The following MED12L variants were observed in gnomAD, a reference collection of about 807,000 sequenced individuals.
MED12L encodes mediator of RNA polymerase II transcription subunit 12-like protein.
Under a neutral mutation model 281.3 loss-of-function variants are expected in MED12L, and 60 were observed. That is an observed-to-expected ratio of 0.21 (90% CI 0.17 to 0.26). The LOEUF is 0.26. Ranked by LOEUF, MED12L falls within the 10% of genes least tolerant of loss-of-function variation. MED12L has a pLI of 1.00. For synonymous variants in MED12L, 974 were observed against 987.2 expected, an observed-to-expected ratio of 0.99 and a Z score of 0.25; for missense variants, 2,146 against 2,680.9, an observed-to-expected ratio of 0.80 and a Z score of 4.41.
intron 16 of MED12L, among the ~76,000 whole-genome samples, chr3:151,216,336 A>G (rs893400187): frequency 6.6e-6 from 1 of 152,154 alleles, no homozygotes; most frequent in Non-Finnish European, 1.5e-5. Flanking sequence ...TTTCATCTGT[A>G]TTTGTGGTGC....
At chr3:151,109,050 C>T (rs1022266472) in intron 2 of MED12L, among the ~76,000 whole-genome samples, 3 of 149,882 alleles carry the variant, frequency 2.0e-5, no homozygotes, top group South Asian at 2.1e-4. Flanking sequence ...CCCGAAGTAT[C>T]GAAGGTCTGA....
At chr3:151,367,846 A>T (rs1327337720) in intron 24 of MED12L, 80 bp downstream of exon 24, 1 of 1,485,792 alleles carries the variant, frequency 6.7e-7, no homozygotes, top group Admixed American at 2.0e-5. Flanking sequence ...AACACAGGGA[A>T]AGGAGTATTT....
chr3:151,199,426 A>C, intron 16 of MED12L: 2 of 1,535,978 alleles, frequency 1.3e-6, no homozygotes, highest in South Asian at 2.5e-5. Flanking sequence ...TGAAAAGAAA[A>C]AATTTCTAAG....
intron 15 of MED12L, among the ~76,000 whole-genome samples, chr3:151,193,172 C>T (rs1559861159): frequency 6.6e-6 from 1 of 152,044 alleles, no homozygotes; most frequent in Non-Finnish European, 1.5e-5. Flanking sequence ...TGTTTCTGTA[C>T]GAAATGTAGC....
chr3:151,363,981 G>A (rs913785450), intron 21 of MED12L, among the ~76,000 whole-genome samples: 1 of 151,970 alleles, frequency 6.6e-6, no homozygotes, highest in Non-Finnish European at 1.5e-5. Flanking sequence ...TGCCATTGAT[G>A]CAAGTATATA....
chr3:151,352,399 A>T (rs181415462), intron 17 of MED12L, among the ~76,000 whole-genome samples: 164 of 152,344 alleles, frequency 1.1e-3, no homozygotes, highest in Non-Finnish European at 1.3e-4. Flanking sequence ...CATTTTAGAT[A>T]AAGTTCCTTA....
At chr3:151,236,918 A>G (rs556575650) in intron 16 of MED12L, among the ~76,000 whole-genome samples, 3 of 152,274 alleles carry the variant, frequency 2.0e-5, no homozygotes, top group Non-Finnish European at 1.5e-5. Flanking sequence ...ATTGTGAGTC[A>G]TGCCGAGATG....
rs73155795 is a variant in MED12L, at chr3:151,177,906, T to G, written c.1495-7424T>G. 6.2e-3 allele frequency among the ~76,000 whole-genome samples: 938 copies of G among 152,236 alleles called. 4 individuals are homozygous for G. Among genetic ancestry groups the G allele is most frequent in the Middle Eastern group, 0.014 (4 of 292 alleles). ...TTATGCCAGGGCTGGGCCTATAGTT[T>G]GTTATTTTTTCTTTGACCTTAACTT... On this transcript the variant is annotated intron_variant, in intron 11 of 44. Coordinates refer to ENST00000687756, the MANE Select transcript of MED12L (RefSeq NM_001393769.1).
chr3:151,358,383 G>A (rs1754195200), intron 20 of MED12L, among the ~76,000 whole-genome samples: 2 of 152,062 alleles, frequency 1.3e-5, no homozygotes, highest in Admixed American at 1.3e-4. Flanking sequence ...ATTCAGGCCT[G>A]TTAAGTGTTT....
chr3:151,174,233 A>G (rs1721777911), intron 11 of MED12L, among the ~76,000 whole-genome samples: 1 of 152,196 alleles, frequency 6.6e-6, no homozygotes, highest in South Asian at 2.1e-4. Context: ...TGTATTTTAA[A>G]TATGAGAGAC....
intron 16 of MED12L, among the ~76,000 whole-genome samples, chr3:151,209,304 C>T (rs1453729030): frequency 6.6e-6 from 1 of 152,110 alleles, no homozygotes; most frequent in Non-Finnish European, 1.5e-5. Context: ...TTTTTTGTAG[C>T]TGATTCACAT....
At chr3:151,123,833 A>G (rs767948993) in intron 4 of MED12L, among the ~76,000 whole-genome samples, 7 of 152,192 alleles carry the variant, frequency 4.6e-5, no homozygotes, top group Non-Finnish European at 1.0e-4. Flanking sequence ...CAACTCTTTG[A>G]AAATAGTGTC....
At position 151,165,504 on chromosome 3, in the gene MED12L, C is replaced by A; in HGVS notation, c.1342C>A (p.Gln448Lys). ...AGTTCGGTGGTCATTTGACAAGTGCCAAGAATCCACAGCAGGTACAGAATG... is the reference window on the plus strand; with the variant it reads ...AGTTCGGTGGTCATTTGACAAGTGCAAAGAATCCACAGCAGGTACAGAATG... ...VEVRWSFDKC[Q>K]ESTAGVTISR... is the part of the protein sequence containing the mutation. Residue 448 changes from glutamine (Q) to lysine (K), a missense_variant, in exon 10 of 45, where the codon CAA (glutamine) becomes AAA (lysine). By Grantham distance (53) the Gln-to-Lys change is moderately conservative. Around this residue, in one of 9 missense-constraint regions of MED12L, gnomAD observed 722 missense variants for 861.2 expected, o/e 0.84. Transcript: ENST00000687756. 6.2e-7 allele frequency: 1 copy of A among 1,612,818 alleles called. No homozygotes were observed. The highest frequency in any genetic ancestry group is 1.1e-5 in the South Asian group (1 of 91,000).
intron 8 of MED12L, 61 bp from the exon 9 acceptor site, chr3:151,163,832 T>C (rs1720328224): frequency 2.6e-6 from 4 of 1,532,132 alleles, no homozygotes; most frequent in Non-Finnish European, 2.7e-6. Flanking sequence ...TTTTACTGTT[T>C]AGCTATTGTT....
chr3:151,216,529 C>T (rs867784392), intron 16 of MED12L, among the ~76,000 whole-genome samples: 4 of 152,180 alleles, frequency 2.6e-5, no homozygotes, highest in Admixed American at 1.3e-4. Context: ...TTTCCTTTCC[C>T]ATATGCTTTC....
chr3:151,214,617 CTCTTCCT>C (rs1053432164), intron 16 of MED12L, among the ~76,000 whole-genome samples: 1 of 149,686 alleles, frequency 6.7e-6, no homozygotes, highest in African/African-American at 2.5e-5. Context: ...CTTTTCCCTC[CTCTTCCT>C]TCTTCCTTTT....
chr3:151,382,401 AT>A (rs1346506992), intron 32 of MED12L, among the ~76,000 whole-genome samples: 2 of 152,134 alleles, frequency 1.3e-5, no homozygotes, highest in Non-Finnish European at 2.9e-5. Context: ...CCTCTCAAGC[AT>A]TTTCCCAGAC....
At chr3:151,103,702 C>T (rs974615347) in intron 2 of MED12L, among the ~76,000 whole-genome samples, 4 of 152,190 alleles carry the variant, frequency 2.6e-5, no homozygotes, top group East Asian at 3.8e-4. Flanking sequence ...TTACCCTTTA[C>T]AGTAGACATG....
chr3:151,239,811 A>G (rs1039865666), intron 16 of MED12L, among the ~76,000 whole-genome samples: 33 of 152,220 alleles, frequency 2.2e-4, no homozygotes, highest in Admixed American at 1.3e-4. Flanking sequence ...CTCTTAAGCT[A>G]TTAAATATAT....
Sources: allele counts gnomAD v4.1 joint callset (sites outside exome capture counted in the v4.1 genomes callset), GRCh38; gene constraint gnomAD v4.1.1; regional missense constraint gnomAD v4.1.1; transcripts MANE v1.5; gene names NCBI Gene and HGNC (gene_info 2026-07-23, HGNC 2026-07-21).